Variants in LRP1 observed in about 807,000 individuals in gnomAD.
LRP1 encodes LDL receptor related protein 1, also known as prolow-density lipoprotein receptor-related protein 1.
In LRP1, 51 loss-of-function variants were observed where a neutral mutation model predicts 541.5. The observed-to-expected ratio is 0.09, with a 90% CI of 0.08 to 0.12. The LOEUF (loss-of-function observed/expected upper bound fraction) is 0.12, where lower values mean the gene tolerates loss of function less well. Ranked by LOEUF, LRP1 falls within the 10% of genes least tolerant of loss-of-function variation. LRP1 has a pLI of 1.00. For missense variants in LRP1, 3,878 were observed against 6,376.2 expected (o/e 0.61, Z 13.34); for synonymous variants, 2,219 against 2,470.8 (o/e 0.90, Z 3.02).
chr12:57,129,234 GC>G, intron 1 of LRP1: 5 of 587,568 alleles, frequency 8.5e-6, no homozygotes, highest in Non-Finnish European at 1.5e-5. Context: ...TGCTTCCGGG[GC>G]CCCCCAGCAC....
chr12:57,177,501 G>A lies in LRP1; in HGVS notation c.4271G>A (p.Arg1424His). ...EAASMSGAGR[R>H]TVHRETGSGG... ...GCCTCCATGAGTGGGGCTGGGCGCC[G>A]CACCGTGCACCGGGAGACCGGCTCT... Residue 1424 changes from arginine to histidine, a missense_variant, in exon 26 of 89, where the codon CGC becomes CAC. By Grantham distance (29) the Arg-to-His change is conservative (BLOSUM62 0). Around this residue, in one of 13 missense-constraint regions of LRP1, gnomAD observed 16 missense variants for 18.4 expected, o/e 0.87. Coordinates refer to ENST00000243077, the MANE Select transcript of LRP1 (RefSeq NM_002332.3). This position sits in a 1 kb window ranked among gnomAD's most constrained non-coding sequence, Gnocchi z 6.8. 15 of 1,613,466 alleles carry A rather than the reference G, an allele frequency of 9.3e-6. No individual in the cohort carries two copies. Among genetic ancestry groups the A allele is most frequent in the Non-Finnish European group, 1.3e-5 (15 of 1,179,840 alleles).
intron 2 of LRP1, 103 bp downstream of exon 2, chr12:57,138,684 C>A (rs2035224945): frequency 1.4e-6 from 2 of 1,468,012 alleles, no homozygotes; most frequent in Non-Finnish European, 1.9e-6. Context: ...CTGATGTGGA[C>A]CTTGCTCAGT....
intron 3 of LRP1, among the ~76,000 whole-genome samples, chr12:57,142,435 G>A (rs1479027660): frequency 6.6e-6 from 1 of 152,216 alleles, no homozygotes; most frequent in African/African-American, 2.4e-5. Context: ...TAGGAGCAGG[G>A]AGGATGGAGC....
intron 77 of LRP1, 60 bp from the exon 78 acceptor site, chr12:57,208,651 C>A: frequency 9.6e-7 from 1 of 1,042,106 alleles, no homozygotes; most frequent in Admixed American, 1.9e-5. Flanking sequence ...TGGTGTCCTG[C>A]CTGGGCCTGC....
chr12:57,202,618 G>T, intron 68 of LRP1, 81 bp downstream of exon 68: 1 of 1,094,254 alleles, frequency 9.1e-7, no homozygotes. Flanking sequence ...CACAGGCCGC[G>T]CCAGAGCTGG....
chr12:57,209,963 C>A, intron 80 of LRP1, 66 bp from the exon 81 acceptor site: 1 of 1,586,088 alleles, frequency 6.3e-7, no homozygotes, highest in Non-Finnish European at 8.6e-7. Context: ...AGGGGGTCAC[C>A]CTGGGCTCAC....
At chr12:57,136,073 C>T (rs1251525292) in intron 1 of LRP1, among the ~76,000 whole-genome samples, 3 of 152,242 alleles carry the variant, frequency 2.0e-5, no homozygotes, top group Non-Finnish European at 4.4e-5. Flanking sequence ...CTCAGCCGGC[C>T]ACGGCTGGTC....
chr12:57,130,363 T>A (rs983629801), intron 1 of LRP1, among the ~76,000 whole-genome samples: 31 of 152,178 alleles, frequency 2.0e-4, no homozygotes, highest in African/African-American at 6.7e-4. Context: ...AGCAGCTGTG[T>A]CCCCAAAAAA....
chr12:57,199,149 G>C (rs2036595450), intron 60 of LRP1, 63 bp from the exon 61 acceptor site: 1 of 1,521,326 alleles, frequency 6.6e-7, no homozygotes, highest in African/African-American at 1.4e-5. Context: ...AGGAGGTGGA[G>C]TGGGCCGGCA....
At position 57,181,327 on chromosome 12, in the gene LRP1, C is replaced by G. The variant is rs35478087; in HGVS notation, c.5662+36C>G. ...GGCTTTCCTCCCAGCCTTGTCCCAG[C>G]TCCCCAACCCTGACCCCTCCTACCC... On this transcript the variant is annotated intron_variant, in intron 34 of 88. Transcript: ENST00000243077. The G allele has an allele frequency of 1.3e-3, 1,988 of 1,589,062 alleles. 15 individuals carry two copies. The African/African-American group carries it at 0.024, about 20-fold the overall frequency.
chr12:57,146,894 A>C (rs2035420320), intron 6 of LRP1, among the ~76,000 whole-genome samples: 1 of 149,664 alleles, frequency 6.7e-6, no homozygotes. Context: ...CCACTGACCT[A>C]CTCAACAGGC....
rs2035386033 is a variant in LRP1, at chr12:57,145,474, C to G, written c.825C>G (p.Ile275Met). Residue 275 changes from isoleucine to methionine, a missense_variant, in exon 6 of 89, where the codon ATC (isoleucine) becomes ATG (methionine). Physicochemically the swap from Ile to Met is conservative, Grantham distance 10. Around this residue, in one of 13 missense-constraint regions of LRP1, gnomAD observed 293 missense variants for 403.7 expected, o/e 0.73. Transcript: ENST00000243077. ...TCGTGGATGAGCACACCATCAACATCTCCCTCAGTCTGCACCGTGAGTCAC... is the reference window on the plus strand; with the variant it reads ...TCGTGGATGAGCACACCATCAACATGTCCCTCAGTCTGCACCGTGAGTCAC... ...KGFVDEHTIN[I>M]SLSLHHVEQM... The G allele has an allele frequency of 6.2e-7, 1 of 1,613,650 alleles. No homozygotes were observed. The highest frequency in any genetic ancestry group is 8.5e-7 in the Non-Finnish European group (1 of 1,179,872).
In LRP1 at chr12:57,204,711, C is replaced by T. The variant is rs761861718; in HGVS notation, c.11156C>T (p.Thr3719Met). 1.6e-5 allele frequency: 26 copies of T among 1,613,856 alleles called. No homozygotes were observed. The highest frequency in any genetic ancestry group is 1.6e-4 in the Middle Eastern group (1 of 6,084). The change falls in exon 72 of 89, where the codon ACG becomes ATG. Residue 3719 changes from threonine to methionine, a missense_variant. Thr to Met is a moderately conservative substitution (Grantham distance 81). Around this residue, in one of 13 missense-constraint regions of LRP1, gnomAD observed 871 missense variants for 1,212.4 expected, o/e 0.72. Transcript: ENST00000243077. This position sits in a 1 kb window ranked among gnomAD's most constrained non-coding sequence, Gnocchi z 5.3. ...CLWIGRQCDGTDNCGDGTDEE... is the reference protein window; with the variant it reads ...CLWIGRQCDGMDNCGDGTDEE... ...TGGATCGGGCGCCAATGCGATGGCA[C>T]GGACAACTGTGGGGATGGGACTGAT...
chr12:57,208,290 C>A, intron 77 of LRP1, 74 bp downstream of exon 77: 1 of 1,478,668 alleles, frequency 6.8e-7, no homozygotes, highest in Non-Finnish European at 9.2e-7. Flanking sequence ...GGGGCTGCAC[C>A]CACATGCGTG....
Position 57,198,508 on chromosome 12 carries a change from C to T in LRP1, c.9514C>T (p.Arg3172Cys). The T allele has an allele frequency of 4.3e-6, 7 of 1,614,084 alleles. No individual in the cohort carries two copies. Among genetic ancestry groups the T allele is most frequent in the South Asian group, 1.1e-5 (1 of 91,080 alleles). Residue 3172 changes from arginine (R) to cysteine (C), a missense_variant, in exon 60 of 89, where the codon CGC (arginine) becomes TGC (cysteine). This residue lies in a region of LRP1 where 1,100 missense variants were observed against 1,827.4 expected (regional missense o/e 0.60). Transcript: ENST00000243077. The part of the protein sequence containing the change: ...TDWGDHSLIG[R>C]IGMDGSSRSV... Reference sequence around the variant, plus strand: ...CTGGGGTGACCATTCACTGATCGGCCGCATCGGCATGGATGGGTCCAGCCG... The same window carrying T: ...CTGGGGTGACCATTCACTGATCGGCTGCATCGGCATGGATGGGTCCAGCCG...
At chr12:57,169,536 C>A (rs2035904769) in intron 20 of LRP1, among the ~76,000 whole-genome samples, 1 of 152,136 alleles carries the variant, frequency 6.6e-6, no homozygotes, top group Non-Finnish European at 1.5e-5. Context: ...CAGTTGGTGG[C>A]CTTGGGTTTG....
intron 52 of LRP1, 88 bp from the exon 53 acceptor site, chr12:57,195,570 T>C: frequency 6.2e-7 from 1 of 1,602,456 alleles, no homozygotes; most frequent in Non-Finnish European, 8.5e-7. Context: ...CTGCCCACTC[T>C]ACCAGGAGAA....
At position 57,165,712 on chromosome 12, in the gene LRP1, A is replaced by T. The variant is rs1178871830; in HGVS notation, c.2531-93A>T. 22 of 1,319,060 alleles carry T rather than the reference A, an allele frequency of 1.7e-5. No homozygotes were observed. Among genetic ancestry groups the T allele is most frequent in the Non-Finnish European group, 2.2e-5 (21 of 952,108 alleles). The allele number at this position is 1,319,060 out of a possible 1,614,324, so 81.7% of individuals were successfully genotyped here. A position where few individuals can be genotyped will look rare whatever the true frequency, so the allele number is the denominator to read the frequency against. ...AAAAATTACTTTGTATTATTAAAAA[A>T]TAGTAAAACAAACAAAAATGGTGCA... On this transcript the variant is annotated intron_variant, in intron 15 of 88. Coordinates refer to ENST00000243077, the MANE Select transcript of LRP1 (RefSeq NM_002332.3). This position sits in a 1 kb window ranked among gnomAD's most constrained non-coding sequence, Gnocchi z 4.5.
Position 57,205,635 on chromosome 12 carries a change from G to A in LRP1, c.11548G>A (p.Ala3850Thr), listed in dbSNP as rs551769739. 1.1e-5 allele frequency: 17 copies of A among 1,613,188 alleles called. No individual in the cohort carries two copies. The Admixed American group carries it at 1.2e-4, about 11-fold the overall frequency. ...CAAGGGCGGCCACCTCTGCAGCTGC[G>A]CTCGGAACTTCATGAAGACGCACAA... ...NTKGGHLCSC[A>T]RNFMKTHNTC... Residue 3850 changes from alanine to threonine, a missense_variant, in exon 75 of 89, where the codon GCT becomes ACT. Around this residue, in one of 13 missense-constraint regions of LRP1, gnomAD observed 871 missense variants for 1,212.4 expected, o/e 0.72. Coordinates refer to ENST00000243077, the MANE Select transcript of LRP1 (RefSeq NM_002332.3). The surrounding 1 kb of genome is among the most constrained non-coding windows in gnomAD (Gnocchi z 4.6).
Sources: gnomAD v4.1 joint callset for allele counts (sites outside exome capture counted in the v4.1 genomes callset) on GRCh38, gnomAD v4.1.1 for gene constraint, gnomAD v4.1.1 regional missense constraint, Gnocchi (gnomAD v3.1) non-coding constraint, MANE v1.5 for transcripts, NCBI Gene and HGNC (gene_info 2026-07-23, HGNC 2026-07-21) for gene names.